IMMP1L: variants seen among roughly 807,000 people sequenced by gnomAD.
The protein encoded by IMMP1L is inner mitochondrial membrane peptidase subunit 1, also known as mitochondrial inner membrane protease subunit 1.
In IMMP1L, 24 loss-of-function variants were observed where a neutral mutation model predicts 21.8. That is an observed-to-expected ratio of 1.10 (90% CI 0.80 to 1.55). The LOEUF is 1.55. Ranked by LOEUF, IMMP1L falls within the 40% of genes most tolerant of loss-of-function variation. The pLI is 0.00. For synonymous variants in IMMP1L, 46 were observed against 62.8 expected (o/e 0.73, Z 1.26); for missense variants, 195 against 200.7 (o/e 0.97, Z 0.17).
chr11:31,482,549 G>A (rs188244133), intron 1 of IMMP1L, among the ~76,000 whole-genome samples: 55 of 151,780 alleles, frequency 3.6e-4, no homozygotes, highest in African/African-American at 1.2e-3. Context: ...GAAGTGAACC[G>A]GAACTTCACA....
chr11:31,436,772 T>A (rs1412510386), intron 4 of IMMP1L, among the ~76,000 whole-genome samples: 3 of 152,110 alleles, frequency 2.0e-5, no homozygotes, highest in Admixed American at 1.3e-4. Context: ...GAAAGGAATC[T>A]TCTAAAAAAA....
intron 1 of IMMP1L, among the ~76,000 whole-genome samples, chr11:31,505,411 A>G (rs1955745223): frequency 6.6e-6 from 1 of 152,232 alleles, no homozygotes; most frequent in African/African-American, 2.4e-5. Context: ...ATGCTTCCAA[A>G]CAAGTGCCAG....
At chr11:31,497,202 G>C (rs1385383849) in intron 1 of IMMP1L, among the ~76,000 whole-genome samples, 1 of 151,386 alleles carries the variant, frequency 6.6e-6, no homozygotes, top group Non-Finnish European at 1.5e-5. Context: ...TCCATCATAA[G>C]TCAAAGAGCA....
At chr11:31,439,678 T>G (rs1180112778) in intron 4 of IMMP1L, among the ~76,000 whole-genome samples, 2 of 152,016 alleles carry the variant, frequency 1.3e-5, no homozygotes, top group Non-Finnish European at 2.9e-5. Flanking sequence ...GTTGAGGGAG[T>G]CTGGTTTCTG....
intron 4 of IMMP1L, chr11:31,437,196 T>C: frequency 2.3e-6 from 1 of 439,338 alleles, no homozygotes. Flanking sequence ...ATTTAGATTT[T>C]GGAATATTTG....
intron 1 of IMMP1L, among the ~76,000 whole-genome samples, chr11:31,475,478 T>C (rs988701676): frequency 6.6e-6 from 1 of 152,144 alleles, no homozygotes; most frequent in Non-Finnish European, 1.5e-5. Flanking sequence ...CAAAGAATCC[T>C]CCCACTACAG....
chr11:31,432,473 TAATC>T lies in IMMP1L; in HGVS notation c.*23_*26del. 6.6e-7 allele frequency: 1 copy of T among 1,520,596 alleles called. No homozygotes were observed. The highest frequency in any genetic ancestry group is 9.1e-7 in the Non-Finnish European group (1 of 1,096,514). The allele number at this position is 1,520,596 out of a possible 1,614,324, so 94.2% of individuals were successfully genotyped here. A position where few individuals can be genotyped will look rare whatever the true frequency, so the allele number is the denominator to read the frequency against. ...ATAAATTCACATGAAAAGGAGACAA[TAATC>T]AAGTCAAAAGAATAAATGCTTACTA... On this transcript the variant is annotated 3_prime_UTR_variant, in exon 6 of 6. Transcript: ENST00000532287.
In IMMP1L at chr11:31,463,149, T is replaced by C. The variant is rs1339378150; in HGVS notation, c.105+23A>G. 3 of 1,565,274 alleles carry C rather than the reference T, an allele frequency of 1.9e-6. No individual in the cohort carries two copies. In the Admixed American group the frequency reaches 5.8e-5, roughly 30 times the overall value. ...AAAGAAAGTATATATTTAAGATGAATATTCTTGAACATAAAAACTTACCAT... is the reference window on the plus strand; with the variant it reads ...AAAGAAAGTATATATTTAAGATGAACATTCTTGAACATAAAAACTTACCAT... On this transcript the variant is annotated intron_variant, in intron 2 of 5. Transcript: ENST00000532287.
chr11:31,481,399 T>C (rs1439402663), intron 1 of IMMP1L, among the ~76,000 whole-genome samples: 1 of 152,080 alleles, frequency 6.6e-6, no homozygotes, highest in Non-Finnish European at 1.5e-5. Context: ...AAAAATGCAA[T>C]TGGCAAGTGA....
intron 4 of IMMP1L, among the ~76,000 whole-genome samples, chr11:31,438,981 A>G (rs1953219581): frequency 6.6e-6 from 1 of 152,122 alleles, no homozygotes; most frequent in South Asian, 2.1e-4. Context: ...CCCACCTAAC[A>G]CTTTAAAGAT....
chr11:31,473,142 C>T (rs550707030), intron 1 of IMMP1L, among the ~76,000 whole-genome samples: 47 of 152,308 alleles, frequency 3.1e-4, no homozygotes, highest in Non-Finnish European at 5.7e-4. Context: ...CTCCGCCTCC[C>T]GGGTTCACGC....
intron 1 of IMMP1L, among the ~76,000 whole-genome samples, chr11:31,483,946 ACT>A (rs1954984373): frequency 6.6e-6 from 1 of 151,906 alleles, no homozygotes; most frequent in Non-Finnish European, 1.5e-5. Flanking sequence ...GATTTATAAT[ACT>A]TTTTTTCTTA....
rs1036840056 is a variant in IMMP1L, at chr11:31,495,250, G to A, written c.-30+14269C>T. Among the ~76,000 whole-genome samples the A allele has an allele frequency of 4.6e-5, 7 of 152,192 alleles. No individual in the cohort carries two copies. The South Asian group carries it at 6.2e-4, about 14-fold the overall frequency. On this transcript the variant is annotated intron_variant, in intron 1 of 5. Coordinates refer to ENST00000532287, the MANE Select transcript of IMMP1L (RefSeq NM_001304274.2). ...AAGTTCCAAACTTTCCCACATCTTCGTGTCTTCTGAGCCTTCCAAGTCTCT... is the reference window on the plus strand; with the variant it reads ...AAGTTCCAAACTTTCCCACATCTTCATGTCTTCTGAGCCTTCCAAGTCTCT...
At chr11:31,448,409 GGTTCAGATGCTTTCACTGAATACCT>G (rs1953614737) in intron 4 of IMMP1L, among the ~76,000 whole-genome samples, 1 of 152,164 alleles carries the variant, frequency 6.6e-6, no homozygotes, top group Non-Finnish European at 1.5e-5. Context: ...TTTGGAGTCT[GGTTCAGATGCTTTCACTGAATACCT>G]GTGTTACAAT....
At chr11:31,503,446 A>G (rs1386708827) in intron 1 of IMMP1L, among the ~76,000 whole-genome samples, 1 of 152,208 alleles carries the variant, frequency 6.6e-6, no homozygotes, top group East Asian at 1.9e-4. Flanking sequence ...AAGACTGAGA[A>G]AAACCAATAA....
At chr11:31,483,860 G>A (rs1954981733) in intron 1 of IMMP1L, among the ~76,000 whole-genome samples, 1 of 151,734 alleles carries the variant, frequency 6.6e-6, no homozygotes, top group South Asian at 2.1e-4. Context: ...AAAGCTTCAT[G>A]ATAATCTGAT....
chr11:31,433,938 A>G (rs1375895489), intron 4 of IMMP1L, among the ~76,000 whole-genome samples: 1 of 152,154 alleles, frequency 6.6e-6, no homozygotes, highest in Non-Finnish European at 1.5e-5. Context: ...GTGTCTCAAT[A>G]ACAGTATAAG....
At chr11:31,456,230 C>T (rs1042227379) in intron 4 of IMMP1L, 30 bp downstream of exon 4, 6 of 1,476,472 alleles carry the variant, frequency 4.1e-6, no homozygotes, top group Non-Finnish European at 5.6e-6. Flanking sequence ...ATTATGACAC[C>T]AAAAATAACA....
At chr11:31,472,053 T>G (rs1393619991) in intron 1 of IMMP1L, among the ~76,000 whole-genome samples, 1 of 152,094 alleles carries the variant, frequency 6.6e-6, no homozygotes, top group Non-Finnish European at 1.5e-5. Flanking sequence ...CTTCCTCTGT[T>G]TCTCTCTCTC....
Sources: gnomAD v4.1 joint callset for allele counts (sites outside exome capture counted in the v4.1 genomes callset) on GRCh38, gnomAD v4.1.1 for gene constraint, MANE v1.5 for transcripts, NCBI Gene and HGNC (gene_info 2026-07-23, HGNC 2026-07-21) for gene names.